CDYL2: variants seen among roughly 807,000 people sequenced by gnomAD.
CDYL2 encodes chromodomain Y-like protein 2.
CDYL2 carries 23 observed loss-of-function variants against 49.4 expected under a neutral mutation model. The ratio of observed to expected loss-of-function variants is 0.47; its 90% CI spans 0.34 to 0.66. CDYL2 has a LOEUF of 0.66. Among genes scored for constraint, CDYL2 ranks in the 30% least tolerant of loss-of-function variants. CDYL2 has a pLI of 0.01. For synonymous variants in CDYL2, 360 were observed against 268.8 expected, an observed-to-expected ratio of 1.34 and a Z score of -3.32; for missense variants, 678 against 656.4, an observed-to-expected ratio of 1.03 and a Z score of -0.36.
intron 1 of CDYL2, among the ~76,000 whole-genome samples, chr16:80,787,634 A>G (rs966231041): frequency 3.3e-5 from 5 of 151,926 alleles, no homozygotes; most frequent in South Asian, 4.2e-4. Flanking sequence ...GTGTGTGTGT[A>G]TTATCTCATA....
chr16:80,635,214 T>C (rs1188528209), intron 2 of CDYL2, among the ~76,000 whole-genome samples: 4 of 152,186 alleles, frequency 2.6e-5, no homozygotes, highest in African/African-American at 4.8e-5. Context: ...CATATGATCA[T>C]ATCAATTGAT....
intron 1 of CDYL2, among the ~76,000 whole-genome samples, chr16:80,758,302 A>C (rs1343841491): frequency 2.0e-5 from 3 of 151,670 alleles, no homozygotes; most frequent in Non-Finnish European, 4.4e-5. Flanking sequence ...GATAACTTAC[A>C]TATAGAAGTA....
In CDYL2 at chr16:80,684,863, T is replaced by C; in HGVS notation, c.291A>G (p.Gly97=). Reference sequence around the variant, plus strand: ...GTTTATGGGAGGTCCCCTTGCTCTTTCCAGGATCTGAAGGTCTGTGGGACA... The same window carrying C: ...GTTTATGGGAGGTCCCCTTGCTCTTCCCAGGATCTGAAGGTCTGTGGGACA... The part of the protein sequence containing the change: ...EKLSHRPSDP[G]KSKGTSHKRK... Residue 97 remains glycine, a synonymous_variant, in exon 2 of 7, where the codon GGA becomes GGG. Transcript: ENST00000570137. 1 of 1,614,166 alleles carries C rather than the reference T, an allele frequency of 6.2e-7. No individual in the cohort carries two copies.
At chr16:80,718,323 G>A (rs932436216) in intron 1 of CDYL2, among the ~76,000 whole-genome samples, 6 of 152,110 alleles carry the variant, frequency 3.9e-5, no homozygotes, top group African/African-American at 7.2e-5. Flanking sequence ...AAAGATGGAT[G>A]GCAAACTCAC....
At chr16:80,780,124 T>A (rs1391604853) in intron 1 of CDYL2, among the ~76,000 whole-genome samples, 1 of 152,166 alleles carries the variant, frequency 6.6e-6, no homozygotes, top group Non-Finnish European at 1.5e-5. Flanking sequence ...GACCAGAATT[T>A]TTTTTAATCA....
At chr16:80,646,009 G>T (rs1269040938) in intron 2 of CDYL2, among the ~76,000 whole-genome samples, 4 of 112,506 alleles carry the variant, frequency 3.6e-5, no homozygotes, top group African/African-American at 1.3e-4. Context: ...GGGGGAGGGG[G>T]GAGGGATGGC....
chr16:80,725,388 G>A (rs1905132385), intron 1 of CDYL2, among the ~76,000 whole-genome samples: 1 of 152,118 alleles, frequency 6.6e-6, no homozygotes. Flanking sequence ...TTAGCGATTT[G>A]TGGGATTCAT....
At chr16:80,648,314 G>T (rs1057365164) in intron 2 of CDYL2, among the ~76,000 whole-genome samples, 2 of 152,056 alleles carry the variant, frequency 1.3e-5, no homozygotes, top group African/African-American at 4.8e-5. Context: ...GATGAAAATG[G>T]AGACCTTTTA....
chr16:80,765,919 C>T (rs868849548), intron 1 of CDYL2, among the ~76,000 whole-genome samples: 2 of 145,034 alleles, frequency 1.4e-5, no homozygotes, highest in African/African-American at 5.1e-5. Context: ...CTGATACAAG[C>T]GACAACATGG....
At chr16:80,652,147 C>G (rs1294904963) in intron 2 of CDYL2, among the ~76,000 whole-genome samples, 2 of 152,064 alleles carry the variant, frequency 1.3e-5, no homozygotes, top group South Asian at 4.2e-4. Flanking sequence ...AAGAACATAC[C>G]TGGGGCACAG....
At chr16:80,741,255 T>C (rs573093258) in intron 1 of CDYL2, among the ~76,000 whole-genome samples, 14 of 151,378 alleles carry the variant, frequency 9.2e-5, no homozygotes, top group African/African-American at 3.1e-4. Context: ...TAAAGTGGGA[T>C]TGGGACAACT....
chr16:80,714,282 C>A (rs909538799), intron 1 of CDYL2, among the ~76,000 whole-genome samples: 2 of 151,932 alleles, frequency 1.3e-5, no homozygotes, highest in African/African-American at 4.8e-5. Context: ...TAGGTTCTTA[C>A]TACCTAACAC....
rs546227910 is a variant in CDYL2 at position 80,775,948 on chromosome 16, A to G, written c.24+28202T>C. On this transcript the variant is annotated intron_variant, in intron 1 of 6. Transcript: ENST00000570137. ...TCAAACATCAAAATATTGGTCATAC[A>G]TTATTAGGTCACAAAAATTCAGTAA... Among the ~76,000 whole-genome samples, 39 of 151,986 alleles carry G rather than the reference A, an allele frequency of 2.6e-4. No individual in the cohort carries two copies. In the East Asian group the frequency reaches 7.5e-3, roughly 29 times the overall value.
At chr16:80,766,588 C>T (rs577354026) in intron 1 of CDYL2, among the ~76,000 whole-genome samples, 9 of 152,256 alleles carry the variant, frequency 5.9e-5, no homozygotes, top group African/African-American at 2.2e-4. Flanking sequence ...CCCAATGAGG[C>T]AGGCACTACT....
chr16:80,604,772 C>T (rs13335159), intron 6 of CDYL2, among the ~76,000 whole-genome samples: 8 of 152,174 alleles, frequency 5.3e-5, no homozygotes, highest in African/African-American at 1.9e-4. Context: ...TCAGTGGGGC[C>T]CATGTCACCC....
At chr16:80,672,604 G>A (rs1317908950) in intron 2 of CDYL2, among the ~76,000 whole-genome samples, 1 of 146,494 alleles carries the variant, frequency 6.8e-6, no homozygotes, top group Non-Finnish European at 1.5e-5. Context: ...GGAAAGGAAA[G>A]GAAAGGAAAA....
intron 1 of CDYL2, among the ~76,000 whole-genome samples, chr16:80,759,535 C>T (rs886925835): frequency 3.3e-5 from 5 of 152,064 alleles, no homozygotes; most frequent in African/African-American, 1.2e-4. Context: ...CAGGCTGAAT[C>T]AGTGGGCAGG....
rs1431661053 is a variant in CDYL2, at chr16:80,604,363, T to C, written c.*25A>G. Reference sequence around the variant, plus strand: ...CCGAAACACAGGGCAGAGCTGGAAGTTGGGGGCCCGTGAGCTGGGGCCCCT... The same window carrying C: ...CCGAAACACAGGGCAGAGCTGGAAGCTGGGGGCCCGTGAGCTGGGGCCCCT... On this transcript the variant is annotated 3_prime_UTR_variant, in exon 7 of 7. Coordinates refer to ENST00000570137, the MANE Select transcript of CDYL2 (RefSeq NM_152342.4). 3.7e-6 allele frequency: 6 copies of C among 1,613,486 alleles called. No homozygotes were observed. Among genetic ancestry groups the C allele is most frequent in the Admixed American group, 1.7e-5 (1 of 59,956 alleles).
intron 1 of CDYL2, among the ~76,000 whole-genome samples, chr16:80,750,801 C>T (rs1277448758): frequency 6.6e-6 from 1 of 152,154 alleles, no homozygotes; most frequent in Non-Finnish European, 1.5e-5. Context: ...AGGCGGATCA[C>T]GAGCTCAGGA....
Sources: gnomAD v4.1 joint callset for allele counts (sites outside exome capture counted in the v4.1 genomes callset) on GRCh38, gnomAD v4.1.1 for gene constraint, MANE v1.5 for transcripts, NCBI Gene and HGNC (gene_info 2026-07-23, HGNC 2026-07-21) for gene names.